TRPC4: variants seen among roughly 807,000 people sequenced by gnomAD.
The protein encoded by TRPC4 is transient receptor potential cation channel subfamily C member 4, also known as short transient receptor potential channel 4.
In TRPC4, 49 loss-of-function variants were observed where a neutral mutation model predicts 99.4. That is an observed-to-expected ratio of 0.49 (90% confidence interval 0.39 to 0.63). The LOEUF (loss-of-function observed/expected upper bound fraction) is 0.63, where lower values mean the gene tolerates loss of function less well. TRPC4 is among the 20% of genes least tolerant of loss of function. The pLI, the probability that TRPC4 is intolerant of heterozygous loss-of-function variation, is 0.00. For missense variants in TRPC4, 898 were observed against 1,152.9 expected (o/e 0.78, Z 3.20); for synonymous variants, 454 against 425.9 (o/e 1.07, Z -0.81).
At chr13:37,866,946 G>C (rs1313788306) in intron 1 of TRPC4, among the ~76,000 whole-genome samples, 2 of 141,714 alleles carry the variant, frequency 1.4e-5, no homozygotes, top group African/African-American at 6.2e-5. Flanking sequence ...AAATAATCAT[G>C]GTGGGGTTTC....
At chr13:37,817,000 C>G (rs1444798356) in intron 1 of TRPC4, among the ~76,000 whole-genome samples, 1 of 151,850 alleles carries the variant, frequency 6.6e-6, no homozygotes, top group Non-Finnish European at 1.5e-5. Flanking sequence ...TTATTCAACA[C>G]AGTATTGGAA....
intron 1 of TRPC4, among the ~76,000 whole-genome samples, chr13:37,827,369 T>C (rs36094316): frequency 6.6e-6 from 1 of 152,174 alleles, no homozygotes; most frequent in Non-Finnish European, 1.5e-5. Context: ...GAGTTTCCAG[T>C]TTTTCTGCTC....
chr13:37,665,962 A>G (rs548981018), intron 5 of TRPC4, among the ~76,000 whole-genome samples: 2 of 152,080 alleles, frequency 1.3e-5, no homozygotes, highest in South Asian at 4.2e-4. Flanking sequence ...GCCAGGAAAA[A>G]ATGCTGCATG....
intron 3 of TRPC4, among the ~76,000 whole-genome samples, chr13:37,707,591 T>G (rs1267830438): frequency 6.6e-6 from 1 of 152,144 alleles, no homozygotes; most frequent in East Asian, 1.9e-4. Flanking sequence ...AGTTCAGTTT[T>G]ACAGTTTCCT....
intron 2 of TRPC4, among the ~76,000 whole-genome samples, chr13:37,752,091 A>ATATATATATG (rs1955949728): frequency 7.6e-6 from 1 of 131,848 alleles, no homozygotes. Context: ...ATATATATAT[A>ATATATATATG]TATATGACTG....
intron 3 of TRPC4, among the ~76,000 whole-genome samples, chr13:37,706,381 A>C (rs1954278250): frequency 6.6e-6 from 1 of 152,158 alleles, no homozygotes; most frequent in African/African-American, 2.4e-5. Context: ...CATAATGTGA[A>C]ATAGTCTAGG....
Position 37,692,343 on chromosome 13 carries a change from G to C in TRPC4, c.898-8C>G. The stretch of plus-strand genomic sequence containing the variant: ...ATTGGGCTGGGCAACAAACTAAACA[G>C]AAGGGAAAGGAAAAGGAAAAATAAG... On this transcript the variant is annotated splice_polypyrimidine_tract_variant and splice_region_variant and intron_variant, in intron 3 of 10. Transcript: ENST00000379705. The C allele has an allele frequency of 1.2e-6, 2 of 1,603,208 alleles. No homozygotes were observed. Among genetic ancestry groups the C allele is most frequent in the Non-Finnish European group, 1.7e-6 (2 of 1,173,460 alleles).
chr13:37,745,450 A>ATATATATATGCG lies in TRPC4; in HGVS notation c.897+486_897+487insCGCATATATATA, dbSNP rs1555265672. 3.7e-3 allele frequency among the ~76,000 whole-genome samples: 11 copies of ATATATATATGCG among 2,980 alleles called. 1 individual carries two copies. In the East Asian group the frequency reaches 0.058, roughly 16 times the overall value. 2.0% of individuals were successfully genotyped at this position (2,980 alleles called of 152,430 possible). A position where few individuals can be genotyped will look rare whatever the true frequency, so the allele number is the denominator to read the frequency against. On this transcript the variant is annotated intron_variant, in intron 3 of 10. Coordinates refer to ENST00000379705, the MANE Select transcript of TRPC4 (RefSeq NM_016179.4). ...TATATATATGCGTATATATATATAT[A>ATATATATATGCG]TATATATATATATATATATATATAC...
chr13:37,780,327 G>C (rs1956806441), intron 2 of TRPC4, among the ~76,000 whole-genome samples: 1 of 151,636 alleles, frequency 6.6e-6, no homozygotes, highest in South Asian at 2.1e-4. Flanking sequence ...CTTTTTATTA[G>C]AACCTCTTTC....
chr13:37,796,968 A>ATAAAATAAAATAAAGTAAAG (rs1555273561), intron 1 of TRPC4, among the ~76,000 whole-genome samples: 33 of 115,108 alleles, frequency 2.9e-4, no homozygotes, highest in African/African-American at 1.1e-3. Flanking sequence ...ATAAAATAAA[A>ATAAAATAAAATAAAGTAAAG]TAAAGTAAAG....
chr13:37,674,138 G>T lies in TRPC4; in HGVS notation c.1374+90C>A. On this transcript the variant is annotated intron_variant, in intron 5 of 10. Coordinates refer to ENST00000379705, the MANE Select transcript of TRPC4 (RefSeq NM_016179.4). The stretch of plus-strand genomic sequence containing the variant: ...AATACGACATCCGGAAAAAGCTCTA[G>T]GTAACTTTATTAATAAAATTAATAT... 3.2e-6 allele frequency: 4 copies of T among 1,267,972 alleles called. No individual in the cohort carries two copies. The South Asian group carries it at 7.9e-5, about 25-fold the overall frequency. The allele number at this position is 1,267,972 out of a possible 1,614,324, so 78.5% of individuals were successfully genotyped here. A position where few individuals can be genotyped will look rare whatever the true frequency, so the allele number is the denominator to read the frequency against.
intron 3 of TRPC4, among the ~76,000 whole-genome samples, chr13:37,704,047 G>A (rs1954188430): frequency 6.6e-6 from 1 of 152,072 alleles, no homozygotes; most frequent in Non-Finnish European, 1.5e-5. Flanking sequence ...ATGAACTGTT[G>A]TATTGATATA....
intron 1 of TRPC4, among the ~76,000 whole-genome samples, chr13:37,837,605 G>A (rs1344335272): frequency 1.3e-5 from 2 of 152,188 alleles, no homozygotes; most frequent in Non-Finnish European, 2.9e-5. Context: ...TTTACCCAGT[G>A]TCTGTACTCC....
At chr13:37,723,848 C>T (rs924781776) in intron 3 of TRPC4, among the ~76,000 whole-genome samples, 2 of 152,098 alleles carry the variant, frequency 1.3e-5, no homozygotes, top group African/African-American at 2.4e-5. Context: ...AGCCACCACA[C>T]CTGGCTGTTA....
At chr13:37,727,535 C>T (rs1248364399) in intron 3 of TRPC4, among the ~76,000 whole-genome samples, 1 of 151,420 alleles carries the variant, frequency 6.6e-6, no homozygotes, top group Non-Finnish European at 1.5e-5. Flanking sequence ...AAGCACAAAG[C>T]TAACAGAAGA....
intron 8 of TRPC4, among the ~76,000 whole-genome samples, chr13:37,650,636 T>C (rs9576330): frequency 0.97 from 137,468 of 141,484 alleles, 66,873 homozygotes; most frequent in Non-Finnish European, 1. Context: ...CACACACACA[T>C]ATATATATAT....
intron 1 of TRPC4, among the ~76,000 whole-genome samples, chr13:37,795,077 T>C (rs1957212652): frequency 6.6e-6 from 1 of 152,186 alleles, no homozygotes; most frequent in South Asian, 2.1e-4. Context: ...ATATGATCTT[T>C]CTTTAGATAA....
intron 2 of TRPC4, among the ~76,000 whole-genome samples, chr13:37,779,138 C>T (rs1290793949): frequency 6.6e-6 from 1 of 152,070 alleles, no homozygotes; most frequent in Non-Finnish European, 1.5e-5. Context: ...TTCTGATAAA[C>T]ATTTACTGAA....
chr13:37,858,972 G>C (rs1216955303), intron 1 of TRPC4, among the ~76,000 whole-genome samples: 1 of 151,366 alleles, frequency 6.6e-6, no homozygotes, highest in Non-Finnish European at 1.5e-5. Flanking sequence ...ATGGTCAAGT[G>C]AACAGATACC....
Sources: allele counts gnomAD v4.1 joint callset (sites outside exome capture counted in the v4.1 genomes callset), GRCh38; gene constraint gnomAD v4.1.1; transcripts MANE v1.5; gene names NCBI Gene and HGNC (gene_info 2026-07-23, HGNC 2026-07-21).